Variants in NFE2L2 observed in about 807,000 individuals in gnomAD.
The protein encoded by NFE2L2 is nuclear factor erythroid 2-related factor 2.
NFE2L2 carries 20 observed loss-of-function variants against 49.6 expected under a neutral mutation model. That is an observed-to-expected ratio of 0.40 (90% CI 0.28 to 0.59). The LOEUF (loss-of-function observed/expected upper bound fraction) is 0.59. NFE2L2 is among the 20% of genes least tolerant of loss of function. The probability of loss-of-function intolerance (pLI) is 0.40; values close to 1 mark genes in which losing one functional copy is unlikely to be tolerated. For synonymous variants in NFE2L2, 244 were observed against 256.5 expected (o/e 0.95, Z 0.47); for missense variants, 578 against 714.2 (o/e 0.81, Z 2.17).
At chr2:177,256,181 G>A (rs1248332807) in intron 1 of NFE2L2, among the ~76,000 whole-genome samples, 1 of 151,954 alleles carries the variant, frequency 6.6e-6, no homozygotes, top group African/African-American at 2.4e-5. Context: ...CTCAAGAAGA[G>A]GTATATAATT....
At chr2:177,249,052 A>C (rs1008052513) in intron 1 of NFE2L2, among the ~76,000 whole-genome samples, 2 of 151,804 alleles carry the variant, frequency 1.3e-5, no homozygotes, top group Non-Finnish European at 2.9e-5. Context: ...CGCAGTCTCT[A>C]CAAAAGAGAA....
At chr2:177,240,648 ACTGGGTAAT>A (rs1337930975) in intron 1 of NFE2L2, among the ~76,000 whole-genome samples, 1 of 152,196 alleles carries the variant, frequency 6.6e-6, no homozygotes, top group Non-Finnish European at 1.5e-5. Context: ...TCATTTGCCA[ACTGGGTAAT>A]CTGTTACACA....
At chr2:177,263,876 C>T (rs1356003150) in intron 1 of NFE2L2, 1 of 985,410 alleles carries the variant, frequency 1.0e-6, no homozygotes, top group Non-Finnish European at 1.2e-6. Flanking sequence ...CTCCCTCGTC[C>T]CGGGGCTGGG....
rs1364169191 is a variant in NFE2L2 at position 177,243,338 on chromosome 2, T to G, written c.46-9067A>C. On this transcript the variant is annotated intron_variant, in intron 1 of 4. Transcript: ENST00000397062. The stretch of plus-strand genomic sequence containing the variant: ...CTTTGCTGCCCATGCTGGTGTACCC[T>G]CATCCTCCAAGGAAGTCCCCCATGA... Among the ~76,000 whole-genome samples the G allele has an allele frequency of 2.6e-5, 4 of 152,162 alleles. No individual in the cohort carries two copies. In the East Asian group the frequency reaches 7.7e-4, roughly 29 times the overall value.
intron 1 of NFE2L2, among the ~76,000 whole-genome samples, chr2:177,262,421 CAGA>C (rs1202770462): frequency 6.6e-6 from 1 of 152,176 alleles, no homozygotes. Context: ...ATCCTCTGCA[CAGA>C]AGGTGAAAAA....
At chr2:177,254,596 A>G (rs1490598086) in intron 1 of NFE2L2, among the ~76,000 whole-genome samples, 1 of 152,174 alleles carries the variant, frequency 6.6e-6, no homozygotes, top group African/African-American at 2.4e-5. Context: ...CTCTGCTCCA[A>G]AGAGAAGTCC....
At chr2:177,258,134 G>A (rs1285106779) in intron 1 of NFE2L2, among the ~76,000 whole-genome samples, 1 of 152,132 alleles carries the variant, frequency 6.6e-6, no homozygotes, top group Non-Finnish European at 1.5e-5. Context: ...AACAGTTTGA[G>A]AACCACTGCT....
At chr2:177,247,219 T>C (rs1007663358) in intron 1 of NFE2L2, among the ~76,000 whole-genome samples, 3 of 152,138 alleles carry the variant, frequency 2.0e-5, no homozygotes, top group Admixed American at 6.5e-5. Context: ...CCAACTCATG[T>C]GTCCTTCACA....
At chr2:177,232,093 A>G in intron 4 of NFE2L2, 85 bp from the exon 5 acceptor site, 3 of 1,280,490 alleles carry the variant, frequency 2.3e-6, no homozygotes, top group South Asian at 3.0e-5. Context: ...CCCTACCCAC[A>G]TTATCTTCAG....
intron 1 of NFE2L2, among the ~76,000 whole-genome samples, chr2:177,249,149 G>A (rs1690242481): frequency 6.6e-6 from 1 of 152,078 alleles, no homozygotes; most frequent in Admixed American, 6.5e-5. Flanking sequence ...AGCCCAGGAG[G>A]TTGAGGCTGC....
intron 3 of NFE2L2, 56 bp downstream of exon 3, chr2:177,233,191 ATTG>A: frequency 7.4e-7 from 1 of 1,355,246 alleles, no homozygotes; most frequent in Non-Finnish European, 1.0e-6. Flanking sequence ...CATAGAATAG[ATTG>A]TTATTTTATA....
At chr2:177,251,914 A>G (rs552028032) in intron 1 of NFE2L2, among the ~76,000 whole-genome samples, 16 of 151,096 alleles carry the variant, frequency 1.1e-4, no homozygotes, top group African/African-American at 3.2e-4. Context: ...GCTGAGGCAG[A>G]AGAATGGCGT....
At position 177,263,720 on chromosome 2, in the gene NFE2L2, C is replaced by A. The variant is rs17551500; in HGVS notation, c.45+812G>T. ...CCGACTCCGGCCTCAGAGTCCACTG[C>A]CCTCGCCCGCACTTTCCCGCGGCGT... On this transcript the variant is annotated intron_variant, in intron 1 of 4. Transcript: ENST00000397062. 6.9e-4 allele frequency: 682 copies of A among 985,486 alleles called. 13 individuals are homozygous for A. The East Asian group carries it at 0.042, about 61-fold the overall frequency. 61.0% of individuals were successfully genotyped at this position (985,486 alleles called of 1,614,324 possible). A position where few individuals can be genotyped will look rare whatever the true frequency, so the allele number is the denominator to read the frequency against.
rs905868340 is a variant in NFE2L2, at chr2:177,231,035, A to T, written c.1568T>A (p.Val523Glu). 6.2e-7 allele frequency: 1 copy of T among 1,613,742 alleles called. No individual in the cohort carries two copies. Among genetic ancestry groups the T allele is most frequent in the South Asian group, 1.1e-5 (1 of 90,966 alleles). Residue 523 changes from valine (V) to glutamate (E), a missense_variant, in exon 5 of 5, where the codon GTA becomes GAA. By Grantham distance (121) the Val-to-Glu change is moderately radical (BLOSUM62 -2). Coordinates refer to ENST00000397062, the MANE Select transcript of NFE2L2 (RefSeq NM_006164.5). ...NCRKRKLENI[V>E]ELEQDLDHLK... ...ATGATCTAAATCTTGCTCTAGTTCT[A>T]CTATATTTTCCAGTTTTCTTTTTCT...
At chr2:177,248,387 T>C (rs930302877) in intron 1 of NFE2L2, among the ~76,000 whole-genome samples, 2 of 152,170 alleles carry the variant, frequency 1.3e-5, no homozygotes, top group African/African-American at 2.4e-5. Flanking sequence ...TATGAGAAAA[T>C]TGCCCAATGT....
rs771141150 is a variant in NFE2L2 at position 177,231,957 on chromosome 2, G to C, written c.646C>G (p.Pro216Ala). ...KLVETTMVPSPEAKLTEVDNY... is the reference protein window; with the variant it reads ...KLVETTMVPSAEAKLTEVDNY... ...TCAACTTCTGTCAGTTTGGCTTCTG[G>C]ACTTGGAACCATGGTAGTCTCAACC... Residue 216 changes from proline (P) to alanine (A), a missense_variant, in exon 5 of 5, where the codon CCA (proline) becomes GCA (alanine). Pro to Ala is a conservative substitution (Grantham distance 27). Coordinates refer to ENST00000397062, the MANE Select transcript of NFE2L2 (RefSeq NM_006164.5). The C allele has an allele frequency of 3.1e-6, 5 of 1,613,802 alleles. No homozygotes were observed. Among genetic ancestry groups the C allele is most frequent in the Non-Finnish European group, 4.2e-6 (5 of 1,179,830 alleles).
intron 1 of NFE2L2, among the ~76,000 whole-genome samples, chr2:177,235,744 T>C (rs1689728231): frequency 6.6e-6 from 1 of 152,120 alleles, no homozygotes. Context: ...AGAGGATTGC[T>C]TGAGCCCAGG....
chr2:177,253,945 T>G (rs370339581), intron 1 of NFE2L2, among the ~76,000 whole-genome samples: 1 of 152,196 alleles, frequency 6.6e-6, no homozygotes, highest in African/African-American at 2.4e-5. Context: ...GGATTCTAGT[T>G]ACTTCCCTCA....
At chr2:177,263,780 C>G (rs528344816) in intron 1 of NFE2L2, 1 of 985,518 alleles carries the variant, frequency 1.0e-6, no homozygotes, top group South Asian at 4.7e-5. Context: ...CGAGCCCGAA[C>G]CCCTCCCCGG....
Sources: gnomAD v4.1 joint callset for allele counts (sites outside exome capture counted in the v4.1 genomes callset) on GRCh38, gnomAD v4.1.1 for gene constraint, MANE v1.5 for transcripts, NCBI Gene and HGNC (gene_info 2026-07-23, HGNC 2026-07-21) for gene names.